ATAD5: variants seen among roughly 807,000 people sequenced by gnomAD.
ATAD5 encodes ATPase family AAA domain containing 5.
ATAD5 carries 58 observed loss-of-function variants against 176.9 expected under a neutral mutation model. The ratio of observed to expected loss-of-function variants is 0.33; its 90% CI spans 0.27 to 0.41. The LOEUF (loss-of-function observed/expected upper bound fraction) is 0.41, where lower values mean the gene tolerates loss of function less well. Among genes scored for constraint, ATAD5 ranks in the 10% least tolerant of loss-of-function variants. The pLI is 1.00. For missense variants in ATAD5, 1,789 were observed against 2,094.1 expected, an observed-to-expected ratio of 0.85 and a Z score of 2.84; for synonymous variants, 640 against 712.6, an observed-to-expected ratio of 0.90 and a Z score of 1.62.
intron 4 of ATAD5, among the ~76,000 whole-genome samples, chr17:30,842,767 A>G (rs944597098): frequency 6.6e-6 from 1 of 152,084 alleles, no homozygotes; most frequent in Non-Finnish European, 1.5e-5. Context: ...TTTTTTAGAC[A>G]GAGTTTTGCT....
rs747092013 is a variant in ATAD5, at chr17:30,894,688, G to C, written c.5422G>C (p.Glu1808Gln). 15 of 1,611,424 alleles carry C rather than the reference G, an allele frequency of 9.3e-6. No individual in the cohort carries two copies. In the South Asian group the frequency reaches 1.7e-4, roughly 18 times the overall value. Residue 1808 changes from glutamate (E) to glutamine (Q), a missense_variant, in exon 22 of 23, where the codon GAG becomes CAG. By Grantham distance (29) the Glu-to-Gln change is conservative. This residue lies in a region of ATAD5 where 403 missense variants were observed against 495.1 expected (regional missense o/e 0.81). Coordinates refer to ENST00000321990, the MANE Select transcript of ATAD5 (RefSeq NM_024857.5). Reference protein sequence around the residue: ...LPTLRNICKTEKLKEQGKSKR... With the variant: ...LPTLRNICKTQKLKEQGKSKR... Reference sequence around the variant, plus strand: ...AACCCTTCGAAACATCTGTAAGACTGAGAAGCTAAAAGAACAAGGAAAAAG... The same window carrying C: ...AACCCTTCGAAACATCTGTAAGACTCAGAAGCTAAAAGAACAAGGAAAAAG...
At chr17:30,850,815 ATT>A (rs1906835227) in intron 6 of ATAD5, among the ~76,000 whole-genome samples, 1 of 90,852 alleles carries the variant, frequency 1.1e-5, no homozygotes, top group African/African-American at 5.0e-5. Context: ...AGAAATTATT[ATT>A]TATATTTATA....
intron 19 of ATAD5, among the ~76,000 whole-genome samples, chr17:30,891,871 A>G (rs1033100843): frequency 1.3e-5 from 2 of 150,830 alleles, no homozygotes; most frequent in African/African-American, 4.9e-5. Flanking sequence ...TTTTGAATAG[A>G]GACAAGGTTT....
chr17:30,836,119 A>G (rs1392615617), intron 2 of ATAD5, 71 bp downstream of exon 2: 20 of 1,308,788 alleles, frequency 1.5e-5, no homozygotes, highest in Non-Finnish European at 1.9e-5. Flanking sequence ...AAATGCTTCA[A>G]GTATTGGAGG....
At chr17:30,858,069 A>C (rs1907392282) in intron 8 of ATAD5, 92 bp from the exon 9 acceptor site, 1 of 1,189,844 alleles carries the variant, frequency 8.4e-7, no homozygotes, top group South Asian at 2.3e-5. Flanking sequence ...GTTGATACTG[A>C]TTTATGATGG....
At chr17:30,880,576 C>G (rs552191035) in intron 18 of ATAD5, among the ~76,000 whole-genome samples, 9 of 148,952 alleles carry the variant, frequency 6.0e-5, no homozygotes, top group African/African-American at 1.7e-4. Flanking sequence ...CTATTGCACT[C>G]CAGCCTGGGC....
rs529215391 is a variant in ATAD5 at position 30,851,245 on chromosome 17, C to A, written c.2451-3898C>A. On this transcript the variant is annotated intron_variant, in intron 6 of 22. Coordinates refer to ENST00000321990, the MANE Select transcript of ATAD5 (RefSeq NM_024857.5). The stretch of plus-strand genomic sequence containing the variant: ...GGTGCGGTGGCTCACATCTATAATC[C>A]CAGCACTTTGGGAGGCCAAGGCGTG... Among the ~76,000 whole-genome samples, 7 of 149,848 alleles carry A rather than the reference C, an allele frequency of 4.7e-5. No individual in the cohort carries two copies. In the South Asian group the frequency reaches 1.5e-3, roughly 32 times the overall value.
At chr17:30,852,758 A>G (rs1236433527) in intron 6 of ATAD5, among the ~76,000 whole-genome samples, 1 of 151,930 alleles carries the variant, frequency 6.6e-6, no homozygotes, top group Non-Finnish European at 1.5e-5. Context: ...TTAAACAACC[A>G]TCTCTCGGGT....
intron 17 of ATAD5, among the ~76,000 whole-genome samples, chr17:30,878,871 A>G (rs1176106271): frequency 6.6e-6 from 1 of 151,844 alleles, no homozygotes; most frequent in African/African-American, 2.4e-5. Context: ...AGCTGGGACT[A>G]CAGGCACACA....
chr17:30,852,967 C>T (rs1276991525), intron 6 of ATAD5, among the ~76,000 whole-genome samples: 1 of 151,748 alleles, frequency 6.6e-6, no homozygotes, highest in East Asian at 1.9e-4. Context: ...CGACTCACTG[C>T]AACTTCCGCC....
chr17:30,835,753 A>G lies in ATAD5; in HGVS notation c.1672A>G (p.Asn558Asp), dbSNP rs960727202. 1 of 1,613,546 alleles carries G rather than the reference A, an allele frequency of 6.2e-7. No individual in the cohort carries two copies. The highest frequency in any genetic ancestry group is 8.5e-7 in the Non-Finnish European group (1 of 1,179,904). The change falls in exon 2 of 23, where the codon AAT (asparagine) becomes GAT (aspartate). Residue 558 changes from asparagine to aspartate, a missense_variant. Physicochemically the swap from Asn to Asp is conservative, Grantham distance 23 (BLOSUM62 1). Coordinates refer to ENST00000321990, the MANE Select transcript of ATAD5 (RefSeq NM_024857.5). ...DLLKVSSLCN[N>D]NKLSRKTSIP... ...TCTAAAGGTTTCCTCTCTGTGTAAC[A>G]ATAATAAATTGTCAAGAAAAACCAG...
At chr17:30,849,137 C>G (rs1023697812) in intron 6 of ATAD5, among the ~76,000 whole-genome samples, 1 of 152,178 alleles carries the variant, frequency 6.6e-6, no homozygotes, top group Non-Finnish European at 1.5e-5. Flanking sequence ...TCCCAAAGTG[C>G]TAGGATTACA....
chr17:30,832,409 T>C lies in ATAD5; in HGVS notation c.62T>C (p.Ile21Thr). The C allele has an allele frequency of 1.3e-6, 2 of 1,562,386 alleles. No individual in the cohort carries two copies. Among genetic ancestry groups the C allele is most frequent in the Non-Finnish European group, 1.7e-6 (2 of 1,153,166 alleles). Residue 21 changes from isoleucine to threonine, a missense_variant, in exon 1 of 23, where the codon ATT (isoleucine) becomes ACT (threonine). Ile to Thr is a moderately conservative substitution (Grantham distance 89, BLOSUM62 -1). Coordinates refer to ENST00000321990, the MANE Select transcript of ATAD5 (RefSeq NM_024857.5). ...CCGCCTCCCGTGAAGGACTGCGAGA[T>C]TGAGGTGAGGTTGAGTCGAGGATCT... ...AAPPPVKDCE[I>T]EPCKKRKKDD...
At chr17:30,888,222 A>G (rs1597998813) in intron 19 of ATAD5, among the ~76,000 whole-genome samples, 1 of 152,158 alleles carries the variant, frequency 6.6e-6, no homozygotes, top group East Asian at 1.9e-4. Flanking sequence ...TGTTATATTA[A>G]TCTTCAAAAT....
At chr17:30,886,400 A>C (rs908209450) in intron 18 of ATAD5, among the ~76,000 whole-genome samples, 3 of 132,502 alleles carry the variant, frequency 2.3e-5, no homozygotes, top group Non-Finnish European at 3.3e-5. Context: ...TTATTTATTT[A>C]TTTATTTATT....
intron 18 of ATAD5, among the ~76,000 whole-genome samples, chr17:30,885,554 C>T (rs1909263220): frequency 6.7e-6 from 1 of 148,192 alleles, no homozygotes; most frequent in African/African-American, 2.5e-5. Context: ...CTGTTGAATA[C>T]AAAGTTAGCT....
intron 3 of ATAD5, among the ~76,000 whole-genome samples, chr17:30,839,840 C>T (rs1018141081): frequency 6.6e-6 from 1 of 151,930 alleles, no homozygotes; most frequent in Non-Finnish European, 1.5e-5. Context: ...CCACCTCGGC[C>T]TCCCAAAGTG....
rs1347778035 is a variant in ATAD5, at chr17:30,860,505, G to A, written c.3029G>A (p.Arg1010Lys). 6.2e-7 allele frequency: 1 copy of A among 1,600,332 alleles called. No individual in the cohort carries two copies. The highest frequency in any genetic ancestry group is 2.2e-5 in the East Asian group (1 of 44,720). ...LVEAENSKSK[R>K]KKPNEYSKNL... ...GAAGCAGAAAATTCTAAGTCAAAAA[G>A]AAAGAAACCAAATGAGTATTCAAAA... is the stretch of plus-strand genomic sequence containing the variant. Residue 1010 changes from arginine to lysine, a missense_variant, in exon 10 of 23, where the codon AGA becomes AAA. By Grantham distance (26) the Arg-to-Lys change is conservative (BLOSUM62 2). Around this residue, in one of 6 missense-constraint regions of ATAD5, gnomAD observed 487 missense variants for 573.6 expected, o/e 0.85. Transcript: ENST00000321990.
At chr17:30,857,671 T>C (rs963129086) in intron 8 of ATAD5, among the ~76,000 whole-genome samples, 73 of 152,202 alleles carry the variant, frequency 4.8e-4, no homozygotes, top group African/African-American at 1.7e-3. Flanking sequence ...TATAATCTAA[T>C]AGATATAATT....
Sources: allele counts gnomAD v4.1 joint callset (sites outside exome capture counted in the v4.1 genomes callset), GRCh38; gene constraint gnomAD v4.1.1; regional missense constraint gnomAD v4.1.1; transcripts MANE v1.5; gene names NCBI Gene and HGNC (gene_info 2026-07-23, HGNC 2026-07-21).